SLC2A14: variants seen among roughly 807,000 people sequenced by gnomAD.
SLC2A14 encodes the protein solute carrier family 2 member 14, also known as solute carrier family 2, facilitated glucose transporter member 14.
In SLC2A14, 13 loss-of-function variants were observed where a neutral mutation model predicts 43.0. The observed-to-expected ratio is 0.30, with a 90% CI of 0.20 to 0.48. SLC2A14 has a LOEUF of 0.48. SLC2A14 is among the 20% of genes least tolerant of loss of function. SLC2A14 has a pLI of 0.99. For missense variants in SLC2A14, 428 were observed against 620.4 expected (o/e 0.69, Z 3.29); for synonymous variants, 190 against 233.8 (o/e 0.81, Z 1.71).
At chr12:7,853,310 G>T (rs755005684) in intron 2 of SLC2A14, among the ~76,000 whole-genome samples, 3 of 151,434 alleles carry the variant, frequency 2.0e-5, no homozygotes, top group Admixed American at 6.6e-5. Context: ...ATGGTGGTGC[G>T]CGCCTGTAAT....
intron 1 of SLC2A14, chr12:7,871,380 C>T (rs1592316403): frequency 4.7e-6 from 2 of 422,350 alleles, no homozygotes; most frequent in African/African-American, 4.3e-5. Context: ...GACTAGGCCA[C>T]CCCAGCCCTC....
chr12:7,865,973 T>C (rs1023462916), intron 2 of SLC2A14, among the ~76,000 whole-genome samples: 3 of 151,994 alleles, frequency 2.0e-5, no homozygotes, highest in African/African-American at 2.4e-5. Flanking sequence ...TCCCAACACT[T>C]TGGGAGGCCG....
At chr12:7,859,223 T>C (rs1307265027) in intron 2 of SLC2A14, among the ~76,000 whole-genome samples, 1 of 151,912 alleles carries the variant, frequency 6.6e-6, no homozygotes, top group Non-Finnish European at 1.5e-5. Context: ...ACCCTGTCTG[T>C]ACTAAAAATA....
rs1207659404 is a variant in SLC2A14, at chr12:7,859,154, T to C, written c.18+10709A>G. On this transcript the variant is annotated intron_variant, in intron 2 of 10. Coordinates refer to ENST00000431042, the MANE Select transcript of SLC2A14 (RefSeq NM_001286234.2). The stretch of plus-strand genomic sequence containing the variant: ...CTGTAATCCCAGCACTTTGAAAGGC[T>C]GAGGAGGGCGGATCACCTGAGGTCA... 4.6e-5 allele frequency among the ~76,000 whole-genome samples: 7 copies of C among 152,120 alleles called. 1 individual carries two copies. The highest frequency in any genetic ancestry group is 6.6e-5 in the Admixed American group (1 of 15,260).
intron 2 of SLC2A14, among the ~76,000 whole-genome samples, chr12:7,865,939 G>A (rs1408785104): frequency 1.3e-5 from 2 of 152,114 alleles, no homozygotes; most frequent in Non-Finnish European, 2.9e-5. Context: ...GACAGGGGCC[G>A]GGCATGGTAG....
intron 7 of SLC2A14, among the ~76,000 whole-genome samples, chr12:7,826,526 T>C (rs1864368661): frequency 6.6e-6 from 1 of 152,156 alleles, no homozygotes; most frequent in South Asian, 2.1e-4. Context: ...TTTAATCCCA[T>C]TGATCAAAGA....
intron 5 of SLC2A14, 73 bp from the exon 6 acceptor site, chr12:7,828,939 T>C (rs1471315835): frequency 1.9e-6 from 3 of 1,562,372 alleles, no homozygotes; most frequent in East Asian, 2.3e-5. Context: ...ACACAAAAAG[T>C]TGGCTGGGCG....
Position 7,870,922 on chromosome 12 carries a change from C to T in SLC2A14, c.-57-985G>A, listed in dbSNP as rs145423731. 640 of 1,415,836 alleles carry T rather than the reference C, an allele frequency of 4.5e-4. 5 individuals are homozygous for T. Among genetic ancestry groups the T allele is most frequent in the Middle Eastern group, 2.0e-3 (10 of 5,024 alleles). The allele number at this position is 1,415,836 out of a possible 1,614,324, so 87.7% of individuals were successfully genotyped here. A position where few individuals can be genotyped will look rare whatever the true frequency, so the allele number is the denominator to read the frequency against. On this transcript the variant is annotated intron_variant, in intron 1 of 10. Coordinates refer to ENST00000431042, the MANE Select transcript of SLC2A14 (RefSeq NM_001286234.2). ...CAGCACAAGGGGCCACATCCAATGT[C>T]TTCGTGATGTTCGACCAGTTCCACA...
At position 7,891,048 on chromosome 12, in the gene SLC2A14, G is replaced by GA. The variant is rs199610796; in HGVS notation, c.79dup (p.Ser27PhefsTer48). 5.8e-5 allele frequency: 89 copies of GA among 1,534,978 alleles called. No homozygotes were observed. In the East Asian group the frequency reaches 2.1e-3, roughly 35 times the overall value. On this transcript the variant is annotated frameshift_variant, in exon 1 of 10. Coordinates refer to the SLC2A14 transcript ENST00000539924. LOFTEE classifies it high-confidence loss of function. Reference sequence around the variant, plus strand: ...CTTCTCCAGAGTGGAGGTCTGAGAAGAAAAAAAGAAATGCCGCATTTCATC... The same window carrying GA: ...CTTCTCCAGAGTGGAGGTCTGAGAAGAAAAAAAAGAAATGCCGCATTTCATC...
chr12:7,823,019 G>A (rs1055514890), intron 7 of SLC2A14, among the ~76,000 whole-genome samples: 4 of 152,102 alleles, frequency 2.6e-5, no homozygotes, highest in African/African-American at 9.7e-5. Flanking sequence ...AATAATACCA[G>A]CTACTATTGC....
chr12:7,861,239 A>C (rs1326549627), intron 2 of SLC2A14, among the ~76,000 whole-genome samples: 1 of 152,134 alleles, frequency 6.6e-6, no homozygotes, highest in Non-Finnish European at 1.5e-5. Context: ...TTGGAGCAAT[A>C]GTCTTTTTTT....
intron 2 of SLC2A14, among the ~76,000 whole-genome samples, chr12:7,867,234 T>C (rs1464992716): frequency 2.2e-5 from 3 of 137,654 alleles, no homozygotes; most frequent in African/African-American, 8.2e-5. Flanking sequence ...AGCGGAGATC[T>C]CGTGCCACTG....
At chr12:7,833,265 G>T (rs1485743908) in intron 2 of SLC2A14, among the ~76,000 whole-genome samples, 2 of 152,184 alleles carry the variant, frequency 1.3e-5, no homozygotes, top group Non-Finnish European at 2.9e-5. Context: ...AGTGGTGGTG[G>T]TAGGGGGAGG....
intron 2 of SLC2A14, among the ~76,000 whole-genome samples, chr12:7,851,576 C>T (rs1438177508): frequency 1.3e-5 from 2 of 152,054 alleles, no homozygotes; most frequent in African/African-American, 2.4e-5. Context: ...ACATTACTGT[C>T]CTCTATCTTT....
intron 2 of SLC2A14, among the ~76,000 whole-genome samples, chr12:7,834,956 G>C (rs1865324739): frequency 6.6e-6 from 1 of 152,108 alleles, no homozygotes; most frequent in African/African-American, 2.4e-5. Flanking sequence ...TGTACTTTGG[G>C]AGGAGCCTGG....
rs1042608580 is a variant in SLC2A14, at chr12:7,828,696, A to T, written c.676+8T>A. On this transcript the variant is annotated splice_region_variant and intron_variant, in intron 6 of 10. Transcript: ENST00000431042. The stretch of plus-strand genomic sequence containing the variant: ...TACTTTGTATACTAAAGAGTGAAAG[A>T]TACTCACTCCGCGTAGCATTCTCCT... The T allele has an allele frequency of 6.2e-7, 1 of 1,613,406 alleles. No individual in the cohort carries two copies. The highest frequency in any genetic ancestry group is 1.3e-5 in the African/African-American group (1 of 74,904).
chr12:7,873,654 CAA>C (rs1344330765), upstream of SLC2A14, among the ~76,000 whole-genome samples: 3 of 4,248 alleles, frequency 7.1e-4, no homozygotes, highest in African/African-American at 1.8e-3. Flanking sequence ...AACAAACAAA[CAA>C]ACAAACAAAC....
intron 1 of SLC2A14, chr12:7,871,839 C>T: frequency 4.3e-6 from 4 of 937,220 alleles, no homozygotes; most frequent in Non-Finnish European, 5.1e-6. Flanking sequence ...AGACTCCTCC[C>T]CTACACCCTG....
At chr12:7,858,844 T>C (rs1944394540) in intron 2 of SLC2A14, among the ~76,000 whole-genome samples, 1 of 152,156 alleles carries the variant, frequency 6.6e-6, no homozygotes, top group African/African-American at 2.4e-5. Flanking sequence ...AGTTTTTCAT[T>C]TGCTCATGCT....
Sources: gnomAD v4.1 joint callset for allele counts (sites outside exome capture counted in the v4.1 genomes callset) on GRCh38, gnomAD v4.1.1 for gene constraint, MANE v1.5 for transcripts, NCBI Gene and HGNC (gene_info 2026-07-23, HGNC 2026-07-21) for gene names.